CFAP54: variants seen among roughly 807,000 people sequenced by gnomAD.
CFAP54 encodes the protein cilia and flagella associated protein 54, also known as cilia- and flagella-associated protein 54.
A neutral mutation model predicts 370.4 loss-of-function variants in CFAP54; 290 were observed. That is an observed-to-expected ratio of 0.78 (90% CI 0.71 to 0.86). CFAP54 has a LOEUF of 0.86. Ranked by LOEUF, CFAP54 falls within the 40% of genes least tolerant of loss-of-function variation. The pLI is 0.00. For synonymous variants in CFAP54, 1,206 were observed against 1,236.5 expected, an observed-to-expected ratio of 0.98 and a Z score of 0.52; for missense variants, 3,399 against 3,528.7, an observed-to-expected ratio of 0.96 and a Z score of 0.93.
chr12:96,733,247 T>C (rs988534698), intron 50 of CFAP54, among the ~76,000 whole-genome samples: 1 of 152,180 alleles, frequency 6.6e-6, no homozygotes, highest in African/African-American at 2.4e-5. Flanking sequence ...AATGAGTTTT[T>C]CTCATGTGAA....
intron 19 of CFAP54, among the ~76,000 whole-genome samples, chr12:96,572,130 A>G (rs76914519): frequency 1.5e-3 from 224 of 152,342 alleles, no homozygotes; most frequent in African/African-American, 5.0e-3. Context: ...TGTGTGTCTT[A>G]TATTCCAAAC....
At chr12:96,521,090 C>A (rs996330081) in intron 6 of CFAP54, among the ~76,000 whole-genome samples, 14 of 152,040 alleles carry the variant, frequency 9.2e-5, no homozygotes, top group African/African-American at 2.4e-5. Flanking sequence ...AGCGTTTTGG[C>A]CATTTGATCC....
chr12:96,576,555 A>C, intron 19 of CFAP54, 30 bp from the exon 20 acceptor site: 3 of 1,419,478 alleles, frequency 2.1e-6, no homozygotes, highest in Non-Finnish European at 2.8e-6. Context: ...CTCTTGACAT[A>C]TATTTTTCTA....
At chr12:96,693,649 G>A in intron 44 of CFAP54, 73 bp from the exon 45 acceptor site, 2 of 952,228 alleles carry the variant, frequency 2.1e-6, no homozygotes, top group Admixed American at 4.3e-5. Flanking sequence ...TTTAATATTT[G>A]GCTAAATTTG....
chr12:96,630,486 A>G (rs1363903901), intron 31 of CFAP54, 65 bp from the exon 32 acceptor site: 1 of 837,140 alleles, frequency 1.2e-6, no homozygotes, highest in Admixed American at 3.4e-5. Context: ...TTAGAGTATG[A>G]ATAAATTATA....
At chr12:96,757,807 CT>C (rs1398958853) in intron 58 of CFAP54, among the ~76,000 whole-genome samples, 4 of 151,966 alleles carry the variant, frequency 2.6e-5, no homozygotes, top group Non-Finnish European at 2.9e-5. Context: ...ACATTTCTGC[CT>C]GTGAAAATGT....
At chr12:96,811,670 C>T (rs1958929433) in intron 63 of CFAP54, 66 bp from the exon 64 acceptor site, 1 of 803,034 alleles carries the variant, frequency 1.2e-6, no homozygotes, top group African/African-American at 1.8e-5. Context: ...TGAACTAATG[C>T]TGTAGTTTTT....
intron 58 of CFAP54, among the ~76,000 whole-genome samples, chr12:96,759,608 A>G (rs956262203): frequency 6.6e-6 from 1 of 152,240 alleles, no homozygotes; most frequent in African/African-American, 2.4e-5. Context: ...ATGTCCTAAT[A>G]AAGACAACAC....
At position 96,874,891 on chromosome 12, in the gene CFAP54, A is replaced by G. The variant is rs1224965167; in HGVS notation, c.*15-227A>G. Among the ~76,000 whole-genome samples the G allele has an allele frequency of 3.3e-5, 5 of 151,866 alleles. No homozygotes were observed. In the East Asian group the frequency reaches 9.7e-4, roughly 29 times the overall value. On this transcript the variant is annotated intron_variant, in intron 67 of 67. Coordinates refer to ENST00000524981, the MANE Select transcript of CFAP54 (RefSeq NM_001306084.2). ...CTCGGCCTCCCAAAGTGCTGGGATT[A>G]CAGGCGTGAGCCACCGCGCCCGGCC...
At chr12:96,788,837 A>G (rs1377380016) in intron 62 of CFAP54, among the ~76,000 whole-genome samples, 1 of 152,184 alleles carries the variant, frequency 6.6e-6, no homozygotes, top group African/African-American at 2.4e-5. Flanking sequence ...CCTCAGTGCA[A>G]TGTATTGAAA....
intron 23 of CFAP54, among the ~76,000 whole-genome samples, chr12:96,590,155 C>A (rs1054927600): frequency 1.3e-5 from 2 of 152,124 alleles, no homozygotes; most frequent in African/African-American, 4.8e-5. Flanking sequence ...TATCGTAAAA[C>A]ACAAATATTC....
At chr12:96,762,839 T>C (rs1958354716) in intron 58 of CFAP54, among the ~76,000 whole-genome samples, 1 of 152,152 alleles carries the variant, frequency 6.6e-6, no homozygotes, top group Non-Finnish European at 1.5e-5. Context: ...GGTAGATCTT[T>C]CCAGGTGTCA....
chr12:96,846,893 C>T (rs1201171296), intron 66 of CFAP54, among the ~76,000 whole-genome samples: 3 of 152,142 alleles, frequency 2.0e-5, no homozygotes. Context: ...CTATGATTTT[C>T]TGACACCAAC....
chr12:96,844,315 C>T (rs774675421), intron 66 of CFAP54, among the ~76,000 whole-genome samples: 7 of 152,016 alleles, frequency 4.6e-5, no homozygotes, highest in South Asian at 2.1e-4. Flanking sequence ...GAAGAGGAGA[C>T]GGCCATGTGA....
chr12:96,793,360 C>T (rs182806499), intron 63 of CFAP54, among the ~76,000 whole-genome samples: 37 of 152,202 alleles, frequency 2.4e-4, no homozygotes, highest in Non-Finnish European at 4.7e-4. Flanking sequence ...CTGTGAATGC[C>T]ATTATTTCAT....
intron 23 of CFAP54, among the ~76,000 whole-genome samples, chr12:96,591,796 C>CT (rs1956127325): frequency 1.4e-5 from 1 of 71,988 alleles, no homozygotes; most frequent in South Asian, 4.5e-4. Context: ...GAGGCTGAGG[C>CT]AGGAGAATGG....
In CFAP54 at chr12:96,699,238, G is replaced by A. The variant is rs149610498; in HGVS notation, c.6352-733G>A. 5.6e-3 allele frequency among the ~76,000 whole-genome samples: 849 copies of A among 152,266 alleles called. 12 individuals are homozygous for A. The highest frequency in any genetic ancestry group is 0.019 in the African/African-American group (804 of 41,552). On this transcript the variant is annotated intron_variant, in intron 45 of 67. Coordinates refer to ENST00000524981, the MANE Select transcript of CFAP54 (RefSeq NM_001306084.2). ...GGACAGCCAATTTCCTATCTGCCCC[G>A]CAGAAAAGGTGGGGGTTTCCAAAGG... is the stretch of plus-strand genomic sequence containing the variant.
intron 50 of CFAP54, among the ~76,000 whole-genome samples, chr12:96,729,810 G>A (rs1340867895): frequency 1.3e-5 from 2 of 152,162 alleles, no homozygotes; most frequent in Admixed American, 1.3e-4. Flanking sequence ...GACCGGAGCT[G>A]TTCCTATTTG....
chr12:96,851,229 A>C (rs901070091), intron 66 of CFAP54, among the ~76,000 whole-genome samples: 1 of 151,952 alleles, frequency 6.6e-6, no homozygotes, highest in Non-Finnish European at 1.5e-5. Context: ...ATAAATTTAC[A>C]TTTTCACCTA....
Sources: gnomAD v4.1 joint callset for allele counts (sites outside exome capture counted in the v4.1 genomes callset) on GRCh38, gnomAD v4.1.1 for gene constraint, MANE v1.5 for transcripts, NCBI Gene and HGNC (gene_info 2026-07-23, HGNC 2026-07-21) for gene names.